Variants in LEMD3 observed in about 807,000 individuals in gnomAD.
LEMD3 encodes the protein LEM domain containing 3.
In LEMD3, 33 loss-of-function variants were observed where a neutral mutation model predicts 95.2. The ratio of observed to expected loss-of-function variants is 0.35; its 90% CI spans 0.26 to 0.46. The LOEUF (loss-of-function observed/expected upper bound fraction) is 0.46, where lower values mean the gene tolerates loss of function less well. Ranked by LOEUF, LEMD3 falls within the 20% of genes least tolerant of loss-of-function variation. The pLI is 1.00. For synonymous variants in LEMD3, 525 were observed against 474.6 expected (o/e 1.11, Z -1.38); for missense variants, 1,210 against 1,192.8 (o/e 1.01, Z -0.21).
chr12:65,192,443 G>A (rs184673641), intron 1 of LEMD3, among the ~76,000 whole-genome samples: 3 of 152,140 alleles, frequency 2.0e-5, no homozygotes, highest in African/African-American at 4.8e-5. Context: ...CCCTATACCC[G>A]TCTTCCTTCC....
intron 10 of LEMD3, 74 bp downstream of exon 10, chr12:65,243,543 A>C: frequency 1.2e-6 from 1 of 849,774 alleles, no homozygotes; most frequent in Admixed American, 1.7e-5. Flanking sequence ...ATATTCTTAT[A>C]ATGGTGTGTC....
At chr12:65,188,683 A>C (rs959598959) in intron 1 of LEMD3, among the ~76,000 whole-genome samples, 1 of 152,158 alleles carries the variant, frequency 6.6e-6, no homozygotes, top group Non-Finnish European at 1.5e-5. Context: ...TGAGTGCTTG[A>C]CTAAAACTTT....
intron 4 of LEMD3, among the ~76,000 whole-genome samples, chr12:65,229,046 A>G (rs1311461096): frequency 1.3e-5 from 2 of 152,128 alleles, no homozygotes; most frequent in African/African-American, 2.4e-5. Context: ...CCATGAGATC[A>G]ACTTTTTAGT....
intron 1 of LEMD3, among the ~76,000 whole-genome samples, chr12:65,205,182 G>T (rs1036621562): frequency 6.6e-6 from 1 of 152,010 alleles, no homozygotes; most frequent in Non-Finnish European, 1.5e-5. Context: ...ACAGCATGGG[G>T]GAAACTGCCT....
intron 12 of LEMD3, 82 bp from the exon 13 acceptor site, chr12:65,246,080 C>G (rs1317554164): frequency 3.9e-6 from 5 of 1,272,752 alleles, no homozygotes; most frequent in Non-Finnish European, 4.5e-6. Flanking sequence ...GTTTTGTGCT[C>G]ATATGTCTTT....
intron 12 of LEMD3, 73 bp downstream of exon 12, chr12:65,246,012 A>C: frequency 7.4e-7 from 1 of 1,351,748 alleles, no homozygotes; most frequent in East Asian, 2.3e-5. Flanking sequence ...CCAGATTTCA[A>C]ATAAAAGAAT....
intron 1 of LEMD3, among the ~76,000 whole-genome samples, chr12:65,186,856 T>G (rs1037822204): frequency 6.6e-6 from 1 of 151,994 alleles, no homozygotes; most frequent in African/African-American, 2.4e-5. Flanking sequence ...AGTAGTATGT[T>G]GGGAAATTTG....
intron 1 of LEMD3, among the ~76,000 whole-genome samples, chr12:65,189,910 T>G (rs1360699702): frequency 1.3e-5 from 2 of 152,130 alleles, no homozygotes; most frequent in Non-Finnish European, 2.9e-5. Flanking sequence ...TAGATTTGGA[T>G]GAATTCCTCT....
At chr12:65,238,334 GCTAA>G (rs1870830087) in intron 4 of LEMD3, among the ~76,000 whole-genome samples, 164 bp from the exon 5 acceptor site, 1 of 151,994 alleles carries the variant, frequency 6.6e-6, no homozygotes, top group Admixed American at 6.6e-5. Flanking sequence ...GTGGGAAAAT[GCTAA>G]CTTTTTTTTT....
intron 1 of LEMD3, among the ~76,000 whole-genome samples, chr12:65,209,376 T>C (rs1232886821): frequency 6.6e-6 from 1 of 152,170 alleles, no homozygotes; most frequent in Admixed American, 6.5e-5. Context: ...TTTTTAAGAA[T>C]TGTTCTTATA....
intron 1 of LEMD3, among the ~76,000 whole-genome samples, chr12:65,210,723 A>G (rs1357316639): frequency 6.6e-6 from 1 of 152,180 alleles, no homozygotes; most frequent in Non-Finnish European, 1.5e-5. Context: ...TTGTGAGGAA[A>G]ACCACTAATT....
chr12:65,178,510 AT>A (rs1324104298), intron 1 of LEMD3, among the ~76,000 whole-genome samples: 2 of 152,196 alleles, frequency 1.3e-5, no homozygotes, highest in Non-Finnish European at 2.9e-5. Flanking sequence ...TTGCTTAGCC[AT>A]TGTAAACCTC....
At chr12:65,194,438 G>T (rs899572603) in intron 1 of LEMD3, among the ~76,000 whole-genome samples, 1 of 152,102 alleles carries the variant, frequency 6.6e-6, no homozygotes, top group East Asian at 1.9e-4. Flanking sequence ...CAAGGGAATG[G>T]GTGCTGCTAA....
At position 65,170,792 on chromosome 12, in the gene LEMD3, G is replaced by A; in HGVS notation, c.1196G>A (p.Ser399Asn). Residue 399 changes from serine to asparagine, a missense_variant, in exon 1 of 13, where the codon AGT becomes AAT. Around this residue, in one of 2 missense-constraint regions of LEMD3, gnomAD observed 749 missense variants for 622.9 expected, o/e 1.20. Coordinates refer to ENST00000308330, the MANE Select transcript of LEMD3 (RefSeq NM_014319.5). ...TNNHIGGGAFSVDSPRIYSNS... is the reference protein window; with the variant it reads ...TNNHIGGGAFNVDSPRIYSNS... The stretch of plus-strand genomic sequence containing the variant: ...AATCATATTGGCGGTGGGGCCTTCA[G>A]TGTGGACTCCCCCAGGATTTATTCT... The A allele has an allele frequency of 6.2e-7, 1 of 1,614,194 alleles. No homozygotes were observed. Among genetic ancestry groups the A allele is most frequent in the Non-Finnish European group, 8.5e-7 (1 of 1,180,024 alleles).
intron 1 of LEMD3, among the ~76,000 whole-genome samples, chr12:65,195,439 G>A (rs1869400313): frequency 6.6e-6 from 1 of 151,746 alleles, no homozygotes. Flanking sequence ...TATCTGGCCA[G>A]ATGGCTACGC....
chr12:65,227,445 T>C (rs894472003), intron 4 of LEMD3, among the ~76,000 whole-genome samples: 3 of 152,158 alleles, frequency 2.0e-5, no homozygotes, highest in Admixed American at 6.5e-5. Context: ...TAGGATTAAT[T>C]CTTCCTTGGT....
At chr12:65,206,399 G>A (rs950035377) in intron 1 of LEMD3, among the ~76,000 whole-genome samples, 3 of 152,060 alleles carry the variant, frequency 2.0e-5, no homozygotes, top group Admixed American at 6.5e-5. Flanking sequence ...TGCCCTCCAG[G>A]ACTGAACTGT....
chr12:65,213,515 G>A (rs957023409), intron 2 of LEMD3, among the ~76,000 whole-genome samples: 10 of 152,042 alleles, frequency 6.6e-5, no homozygotes, highest in South Asian at 2.1e-4. Flanking sequence ...GTGAGCCACC[G>A]CACCCGGCCT....
intron 4 of LEMD3, among the ~76,000 whole-genome samples, chr12:65,233,157 A>G (rs1870679355): frequency 6.6e-6 from 1 of 152,184 alleles, no homozygotes; most frequent in Non-Finnish European, 1.5e-5. Flanking sequence ...TAGAGGGGCT[A>G]ATAACTAGAG....
Sources: allele counts gnomAD v4.1 joint callset (sites outside exome capture counted in the v4.1 genomes callset), GRCh38; gene constraint gnomAD v4.1.1; regional missense constraint gnomAD v4.1.1; transcripts MANE v1.5; gene names NCBI Gene and HGNC (gene_info 2026-07-23, HGNC 2026-07-21).